Variants in MAGI1 observed in about 807,000 individuals in gnomAD.
MAGI1 encodes membrane associated guanylate kinase, WW and PDZ domain containing 1, also known as membrane-associated guanylate kinase, WW and PDZ domain-containing protein 1.
Under a neutral mutation model 139.9 loss-of-function variants are expected in MAGI1, and 58 were observed. That is an observed-to-expected ratio of 0.41 (90% confidence interval 0.34 to 0.52). The LOEUF (loss-of-function observed/expected upper bound fraction) is 0.52, where lower values mean the gene tolerates loss of function less well. MAGI1 is among the 20% of genes least tolerant of loss of function. The pLI is 0.12. For synonymous variants in MAGI1, 812 were observed against 737.9 expected, an observed-to-expected ratio of 1.10 and a Z score of -1.63; for missense variants, 1,874 against 1,901.6, an observed-to-expected ratio of 0.99 and a Z score of 0.27.
intron 5 of MAGI1, among the ~76,000 whole-genome samples, chr3:65,468,563 G>C (rs1950334814): frequency 6.6e-6 from 1 of 151,710 alleles, no homozygotes; most frequent in Admixed American, 6.6e-5. Context: ...TTTAAATAGA[G>C]ATGGAGTTTC....
chr3:65,893,148 C>T (rs946827926), intron 1 of MAGI1, among the ~76,000 whole-genome samples: 4 of 152,140 alleles, frequency 2.6e-5, no homozygotes, highest in Non-Finnish European at 5.9e-5. Flanking sequence ...ACATAAGTTA[C>T]TGAAAATAAG....
chr3:65,733,112 G>A (rs2034354248), intron 1 of MAGI1, among the ~76,000 whole-genome samples: 1 of 152,110 alleles, frequency 6.6e-6, no homozygotes, highest in Non-Finnish European at 1.5e-5. Flanking sequence ...TGCAATGAGT[G>A]CAATGGCGCG....
intron 1 of MAGI1, among the ~76,000 whole-genome samples, chr3:65,756,196 C>T (rs1312901217): frequency 6.6e-6 from 1 of 152,100 alleles, no homozygotes; most frequent in Non-Finnish European, 1.5e-5. Context: ...TAGTTTTCCA[C>T]TTAGTGGATC....
At chr3:65,673,440 A>G (rs1479583264) in intron 1 of MAGI1, among the ~76,000 whole-genome samples, 6 of 152,234 alleles carry the variant, frequency 3.9e-5, no homozygotes, top group Non-Finnish European at 8.8e-5. Flanking sequence ...TTGTATGACC[A>G]AATATTCGGG....
intron 5 of MAGI1, among the ~76,000 whole-genome samples, chr3:65,468,897 C>T (rs1358108129): frequency 1.3e-5 from 2 of 150,994 alleles, no homozygotes; most frequent in Non-Finnish European, 2.9e-5. Flanking sequence ...GATCATGCTA[C>T]TGCACTCTAG....
chr3:65,724,727 A>G (rs2033413274), intron 1 of MAGI1, among the ~76,000 whole-genome samples: 1 of 152,188 alleles, frequency 6.6e-6, no homozygotes, highest in African/African-American at 2.4e-5. Context: ...GCCTCAGGAA[A>G]CTTACAATTA....
intron 4 of MAGI1, among the ~76,000 whole-genome samples, chr3:65,473,997 G>A (rs1362162029): frequency 6.6e-6 from 1 of 152,166 alleles, no homozygotes; most frequent in East Asian, 1.9e-4. Context: ...TGGGCATGGT[G>A]GCATGTGCCT....
intron 1 of MAGI1, among the ~76,000 whole-genome samples, chr3:65,665,064 G>A (rs1246934475): frequency 6.6e-6 from 1 of 152,166 alleles, no homozygotes; most frequent in East Asian, 1.9e-4. Flanking sequence ...TGAGGCAGAA[G>A]AGCCTTTGAG....
chr3:65,907,830 C>T (rs1344862097), intron 1 of MAGI1, among the ~76,000 whole-genome samples: 1 of 152,176 alleles, frequency 6.6e-6, no homozygotes, highest in Non-Finnish European at 1.5e-5. Flanking sequence ...GTGTTTGTCA[C>T]TGGCTTTTTA....
intron 1 of MAGI1, among the ~76,000 whole-genome samples, chr3:65,830,329 A>G (rs72907568): frequency 0.023 from 3,411 of 150,610 alleles, 113 homozygotes; most frequent in African/African-American, 0.077. Context: ...GAGAGAGAGA[A>G]AAAAAAAAAC....
At chr3:65,753,170 T>C (rs1577005876) in intron 1 of MAGI1, among the ~76,000 whole-genome samples, 1 of 152,098 alleles carries the variant, frequency 6.6e-6, no homozygotes, top group East Asian at 1.9e-4. Flanking sequence ...GGAAGATCTG[T>C]ATATCCTGAA....
intron 2 of MAGI1, among the ~76,000 whole-genome samples, chr3:65,537,541 T>C (rs919467981): frequency 6.6e-6 from 1 of 152,200 alleles, no homozygotes; most frequent in South Asian, 2.1e-4. Context: ...GAGGAAAGAA[T>C]GGCAGTGGGG....
At chr3:65,996,838 C>T (rs1456129686) in intron 1 of MAGI1, among the ~76,000 whole-genome samples, 1 of 152,204 alleles carries the variant, frequency 6.6e-6, no homozygotes, top group East Asian at 1.9e-4. Flanking sequence ...GAACTGAAGG[C>T]CCCGGGCGGC....
chr3:65,849,319 C>T (rs1461527905), intron 1 of MAGI1, among the ~76,000 whole-genome samples: 1 of 151,784 alleles, frequency 6.6e-6, no homozygotes, highest in African/African-American at 2.4e-5. Flanking sequence ...GTCACTGCAC[C>T]TGACCCAGAC....
intron 1 of MAGI1, among the ~76,000 whole-genome samples, chr3:65,756,570 A>C (rs73832943): frequency 0.021 from 3,184 of 152,264 alleles, 91 homozygotes; most frequent in African/African-American, 0.068. Flanking sequence ...GTGTCAGCAG[A>C]GGTCTCTACT....
At position 65,364,958 on chromosome 3, in the gene MAGI1, G is replaced by T; in HGVS notation, c.3197-12C>A. On this transcript the variant is annotated splice_polypyrimidine_tract_variant and intron_variant, in intron 18 of 22. Coordinates refer to ENST00000402939, the MANE Select transcript of MAGI1 (RefSeq NM_001033057.2). ...GGCATTCGAGGACTCTGCAAAGAGG[G>T]ACAGAGCATAAAGAAATGAAGACCC... 6.2e-7 allele frequency: 1 copy of T among 1,610,538 alleles called. No individual in the cohort carries two copies. Among genetic ancestry groups the T allele is most frequent in the South Asian group, 1.1e-5 (1 of 91,004 alleles).
At chr3:65,758,630 T>A (rs981684004) in intron 1 of MAGI1, among the ~76,000 whole-genome samples, 1 of 152,120 alleles carries the variant, frequency 6.6e-6, no homozygotes, top group African/African-American at 2.4e-5. Context: ...TTATTGGTTG[T>A]CACAAATGGA....
rs142192249 is a variant in MAGI1, at chr3:65,951,066, GGGAAA to G, written c.313+86925_313+86929del. Among the ~76,000 whole-genome samples, 1,297 of 149,850 alleles carry G rather than the reference GGGAAA, an allele frequency of 8.7e-3. 35 individuals are homozygous for G. The highest frequency in any genetic ancestry group is 0.031 in the African/African-American group (1,227 of 39,928). The stretch of plus-strand genomic sequence containing the variant: ...GAGGGAGGGAGGGAGGAAGGTGGGA[GGGAAA>G]GAAAAGAAAAGAGAGAGGGAAAGAG... On this transcript the variant is annotated intron_variant, in intron 1 of 22. Coordinates refer to ENST00000402939, the MANE Select transcript of MAGI1 (RefSeq NM_001033057.2).
chr3:65,806,569 A>G (rs1036778267), intron 1 of MAGI1, among the ~76,000 whole-genome samples: 16 of 152,192 alleles, frequency 1.1e-4, no homozygotes, highest in African/African-American at 3.6e-4. Context: ...CTCCCACCAC[A>G]TAACTGCGTT....
Sources: gnomAD v4.1 joint callset for allele counts (sites outside exome capture counted in the v4.1 genomes callset) on GRCh38, gnomAD v4.1.1 for gene constraint, MANE v1.5 for transcripts, NCBI Gene and HGNC (gene_info 2026-07-23, HGNC 2026-07-21) for gene names.